Variants in ANO2 observed in about 807,000 individuals in gnomAD.
ANO2 encodes the protein anoctamin 2, also known as anoctamin-2.
ANO2 carries 101 observed loss-of-function variants against 124.2 expected under a neutral mutation model. That is an observed-to-expected ratio of 0.81 (90% CI 0.69 to 0.96). The LOEUF (loss-of-function observed/expected upper bound fraction) is 0.96, where lower values mean the gene tolerates loss of function less well. Among genes scored for constraint, ANO2 ranks in the 40% least tolerant of loss-of-function variants. The probability of loss-of-function intolerance (pLI) is 0.00; values close to 1 mark genes in which losing one functional copy is unlikely to be tolerated. For synonymous variants in ANO2, 486 were observed against 482.5 expected (o/e 1.01, Z -0.09); for missense variants, 1,293 against 1,274.5 (o/e 1.01, Z -0.22).
rs191467268 is a variant in ANO2, at chr12:5,734,020, G to A, written c.1435-1390C>T. Among the ~76,000 whole-genome samples the A allele has an allele frequency of 1.2e-4, 19 of 152,274 alleles. No homozygotes were observed. In the East Asian group the frequency reaches 3.5e-3, roughly 28 times the overall value. ...GCAGAACACACAGAAATCTCTGAACGCTTGTAAAGTGCACTTGATTTTGTC... is the reference window on the plus strand; with the variant it reads ...GCAGAACACACAGAAATCTCTGAACACTTGTAAAGTGCACTTGATTTTGTC... On this transcript the variant is annotated intron_variant, in intron 13 of 24. Transcript: ENST00000682330.
intron 15 of ANO2, among the ~76,000 whole-genome samples, chr12:5,638,137 G>C (rs1946118435): frequency 6.6e-6 from 1 of 152,054 alleles, no homozygotes; most frequent in Non-Finnish European, 1.5e-5. Context: ...CGGTAGAGCT[G>C]AGATGTTAAT....
intron 14 of ANO2, among the ~76,000 whole-genome samples, chr12:5,701,862 A>C (rs1949416480): frequency 1.3e-5 from 2 of 152,210 alleles, no homozygotes; most frequent in Admixed American, 1.3e-4. Flanking sequence ...ACCTATTTAG[A>C]GCTTTCTCTA....
intron 14 of ANO2, among the ~76,000 whole-genome samples, chr12:5,730,111 T>C (rs748094072): frequency 4.6e-5 from 7 of 152,078 alleles, no homozygotes; most frequent in Non-Finnish European, 1.0e-4. Flanking sequence ...TATATGCATA[T>C]TGAATTGTGC....
At chr12:5,726,000 C>A (rs1234634558) in intron 14 of ANO2, among the ~76,000 whole-genome samples, 1 of 152,056 alleles carries the variant, frequency 6.6e-6, no homozygotes. Context: ...AGCTCCAGCA[C>A]CTTGCCATCT....
chr12:5,907,601 T>C (rs1397525566), intron 3 of ANO2, among the ~76,000 whole-genome samples: 1 of 150,652 alleles, frequency 6.6e-6, no homozygotes, highest in African/African-American at 2.5e-5. Flanking sequence ...ATTCAGAAAA[T>C]AGGAAGGGAA....
chr12:5,925,676 G>A lies in ANO2; in HGVS notation c.23-2872C>T, dbSNP rs1393221717. Among the ~76,000 whole-genome samples, 1 of 152,218 alleles carries A rather than the reference G, an allele frequency of 6.6e-6. No homozygotes were observed. The highest frequency in any genetic ancestry group is 2.4e-5 in the African/African-American group (1 of 41,438). ...GGAAAGGCCATCGTACACAGCCCGT[G>A]GAACATGTCACCCATTTGGAAAGAA... On this transcript the variant is annotated intron_variant, in intron 1 of 24. Transcript: ENST00000682330. The surrounding 1 kb of genome is among the most constrained non-coding windows in gnomAD (Gnocchi z 4.6).
chr12:5,680,728 C>A (rs1029147577), intron 14 of ANO2, among the ~76,000 whole-genome samples: 2 of 152,186 alleles, frequency 1.3e-5, no homozygotes, highest in Non-Finnish European at 2.9e-5. Flanking sequence ...TAAATTGTCC[C>A]TTCCAACTGG....
rs71581011 is a variant in ANO2 at position 5,612,819 on chromosome 12, G to A, written c.1987-63C>T. 6.8e-3 allele frequency: 10,892 copies of A among 1,605,698 alleles called. 134 individuals are homozygous for A. Among genetic ancestry groups the A allele is most frequent in the African/African-American group, 0.045 (3,402 of 74,830 alleles). ...AAAGGGAGCTCTGAGAAGCAGGGGC[G>A]CGAATGAAGCCATGCTGTGCTGGAG... On this transcript the variant is annotated intron_variant, in intron 18 of 24. Coordinates refer to ENST00000682330, the MANE Select transcript of ANO2 (RefSeq NM_001364791.2).
intron 17 of ANO2, among the ~76,000 whole-genome samples, chr12:5,614,622 T>C (rs145017528): frequency 2.6e-5 from 4 of 152,230 alleles, no homozygotes; most frequent in Non-Finnish European, 5.9e-5. Flanking sequence ...TCTACTACTA[T>C]AAAACTTCAG....
intron 12 of ANO2, 121 bp from the exon 13 acceptor site, chr12:5,739,520 G>T: frequency 2.8e-6 from 2 of 706,976 alleles, no homozygotes; most frequent in Non-Finnish European, 4.6e-6. Flanking sequence ...TCTCTTTAAT[G>T]CATTTAGCCT....
At chr12:5,846,886 T>C (rs1954701027) in intron 4 of ANO2, among the ~76,000 whole-genome samples, 1 of 152,248 alleles carries the variant, frequency 6.6e-6, no homozygotes, top group African/African-American at 2.4e-5. Flanking sequence ...AGATTATATT[T>C]ACAGGTTCCA....
intron 3 of ANO2, among the ~76,000 whole-genome samples, chr12:5,896,426 C>T (rs1267134518): frequency 6.6e-6 from 1 of 152,124 alleles, no homozygotes; most frequent in Non-Finnish European, 1.5e-5. Flanking sequence ...CACAAAAGAA[C>T]TTTAAATCTT....
chr12:5,806,268 A>G (rs1363034474), intron 8 of ANO2, among the ~76,000 whole-genome samples, 175 bp from the exon 9 acceptor site: 3 of 152,210 alleles, frequency 2.0e-5, no homozygotes, highest in African/African-American at 7.2e-5. Context: ...CTGAGCCATC[A>G]ACACTTGCCA....
At chr12:5,715,661 C>T (rs1949998226) in intron 14 of ANO2, among the ~76,000 whole-genome samples, 1 of 152,188 alleles carries the variant, frequency 6.6e-6, no homozygotes, top group Non-Finnish European at 1.5e-5. Context: ...TGACTTCACT[C>T]GTGATTAAGC....
chr12:5,756,953 A>G (rs1433944518), intron 10 of ANO2, among the ~76,000 whole-genome samples: 1 of 152,256 alleles, frequency 6.6e-6, no homozygotes, highest in African/African-American at 2.4e-5. Context: ...GTATATGGGC[A>G]GAGTTCCTTA....
intron 16 of ANO2, among the ~76,000 whole-genome samples, chr12:5,622,911 C>CTGAG (rs1945190764): frequency 6.7e-6 from 1 of 149,594 alleles, no homozygotes; most frequent in African/African-American, 2.5e-5. Flanking sequence ...TTGCAGTGAG[C>CTGAG]TGAGATCGTG....
chr12:5,597,914 T>C (rs1322036695), intron 20 of ANO2, among the ~76,000 whole-genome samples: 1 of 152,226 alleles, frequency 6.6e-6, no homozygotes, highest in Non-Finnish European at 1.5e-5. Context: ...CACGTTTCCT[T>C]AAACCAGGTC....
intron 14 of ANO2, among the ~76,000 whole-genome samples, 173 bp downstream of exon 14, chr12:5,732,347 T>C (rs1035831014): frequency 6.6e-6 from 1 of 152,080 alleles, no homozygotes; most frequent in African/African-American, 2.4e-5. Flanking sequence ...AGAAAGCCCA[T>C]TGCCCATGAT....
Position 5,818,710 on chromosome 12 carries a change from C to A in ANO2, c.892+9059G>T, listed in dbSNP as rs1953692249. On this transcript the variant is annotated intron_variant, in intron 7 of 24. Transcript: ENST00000682330. Reference sequence around the variant, plus strand: ...TAATAGTATGGAGAACACTGATAGTCCTTGGCATGAACTGTTTAGAGAGTT... The same window carrying A: ...TAATAGTATGGAGAACACTGATAGTACTTGGCATGAACTGTTTAGAGAGTT... Among the ~76,000 whole-genome samples, 6 of 151,862 alleles carry A rather than the reference C, an allele frequency of 4.0e-5. 1 individual carries two copies. In the South Asian group the frequency reaches 1.3e-3, roughly 32 times the overall value.
Sources: allele counts gnomAD v4.1 joint callset (sites outside exome capture counted in the v4.1 genomes callset), GRCh38; gene constraint gnomAD v4.1.1; non-coding constraint Gnocchi (gnomAD v3.1); transcripts MANE v1.5; gene names NCBI Gene and HGNC (gene_info 2026-07-23, HGNC 2026-07-21).